Variants in DPP6 observed in about 807,000 individuals in gnomAD.
The protein encoded by DPP6 is dipeptidyl peptidase like 6.
Under a neutral mutation model 122.6 loss-of-function variants are expected in DPP6, and 69 were observed. That is an observed-to-expected ratio of 0.56 (90% CI 0.46 to 0.69). The LOEUF (loss-of-function observed/expected upper bound fraction) is 0.69. DPP6 is among the 30% of genes least tolerant of loss of function. The pLI, the probability that DPP6 is intolerant of heterozygous loss-of-function variation, is 0.00. For synonymous variants in DPP6, 418 were observed against 433.1 expected (o/e 0.97, Z 0.43); for missense variants, 928 against 1,116.9 (o/e 0.83, Z 2.41).
the DPP6 span, among the ~76,000 whole-genome samples, chr7:153,871,032 C>T: frequency 3.8e-3 from 575 of 152,246 alleles, 1 homozygote; most frequent in African/African-American, 0.012. Flanking sequence ...GAGGAGTACC[C>T]GGCCGTGTGA....
chr7:153,761,596 A>T, the DPP6 span, among the ~76,000 whole-genome samples: 3 of 151,390 alleles, frequency 2.0e-5, no homozygotes, highest in African/African-American at 7.3e-5. Context: ...CTTTTTTTTG[A>T]CTGAGGAAAT....
chr7:154,799,589 A>AG (rs1554471363), intron 12 of DPP6, among the ~76,000 whole-genome samples: 1 of 152,196 alleles, frequency 6.6e-6, no homozygotes. Context: ...TTGGGCTGGA[A>AG]GGGGGGTTGG....
intron 1 of DPP6, among the ~76,000 whole-genome samples, chr7:154,255,470 A>T (rs1802597144): frequency 6.6e-6 from 1 of 152,112 alleles, no homozygotes; most frequent in African/African-American, 2.4e-5. Flanking sequence ...GCACTGGGGG[A>T]AAGGAGGTGG....
chr7:154,306,293 C>A (rs1806341093), intron 1 of DPP6, among the ~76,000 whole-genome samples: 1 of 152,210 alleles, frequency 6.6e-6, no homozygotes. Context: ...GGTGAGTCAG[C>A]CAGCCGCTTC....
chr7:154,835,088 CT>C (rs1480599070), intron 16 of DPP6, among the ~76,000 whole-genome samples: 2 of 152,088 alleles, frequency 1.3e-5, no homozygotes, highest in East Asian at 3.9e-4. Context: ...CTCTAGCTCC[CT>C]TTTGTGACTT....
the DPP6 span, among the ~76,000 whole-genome samples, chr7:153,831,685 TG>T: frequency 1.6e-4 from 24 of 152,352 alleles, no homozygotes; most frequent in South Asian, 5.0e-3. Flanking sequence ...CACAAAATAA[TG>T]TTTTTTTAAT....
At chr7:154,794,316 G>A in intron 11 of DPP6, 114 bp downstream of exon 11, 3 of 1,370,838 alleles carry the variant, frequency 2.2e-6, no homozygotes, top group Non-Finnish European at 2.8e-6. Flanking sequence ...GGGACCGGCC[G>A]CCCAGCTGCT....
Position 154,887,698 on chromosome 7 carries a change from C to A in DPP6, c.2268C>A (p.Tyr756Ter). Reference protein sequence around the residue: ...KLYASAFSERYLGLHGLDNRA... With the variant: ...KLYASAFSER ...CAGCCTCTGCGTTTTCCGAGAGGTA[C>A]TTGGGCCTCCATGGACTTGACAACA... is the stretch of plus-strand genomic sequence containing the variant. The change falls in exon 23 of 26, where the codon TAC (tyrosine) becomes TAA (stop). Residue 756 changes from tyrosine (Y) to a stop codon, truncating the protein, a stop_gained. Coordinates refer to ENST00000377770, the MANE Select transcript of DPP6 (RefSeq NM_130797.4). LOFTEE classifies it high-confidence loss of function. 1 of 1,613,924 alleles carries A rather than the reference C, an allele frequency of 6.2e-7. No homozygotes were observed. The highest frequency in any genetic ancestry group is 8.5e-7 in the Non-Finnish European group (1 of 1,179,820).
In DPP6 at chr7:154,806,984, G is replaced by T; in HGVS notation, c.1548-10G>T. 2 of 1,613,454 alleles carry T rather than the reference G, an allele frequency of 1.2e-6. No individual in the cohort carries two copies. The highest frequency in any genetic ancestry group is 2.2e-5 in the East Asian group (1 of 44,874). On this transcript the variant is annotated splice_polypyrimidine_tract_variant and intron_variant, in intron 15 of 25. Coordinates refer to ENST00000377770, the MANE Select transcript of DPP6 (RefSeq NM_130797.4). ...GCCCACATTCACACCTGCGTCCTTT[G>T]CTCTTCCAGTGCCAACACGGTGGGC...
chr7:154,533,847 A>C (rs544220098), intron 3 of DPP6, among the ~76,000 whole-genome samples: 1 of 152,184 alleles, frequency 6.6e-6, no homozygotes, highest in African/African-American at 2.4e-5. Flanking sequence ...AAATTTAAAA[A>C]ATTAGCCAGG....
At chr7:154,197,824 G>A (rs1173851084) in intron 1 of DPP6, among the ~76,000 whole-genome samples, 1 of 152,154 alleles carries the variant, frequency 6.6e-6, no homozygotes, top group East Asian at 1.9e-4. Flanking sequence ...TAACCCACCT[G>A]ATCCTAACAG....
At chr7:154,825,141 G>A (rs1255896500) in intron 16 of DPP6, among the ~76,000 whole-genome samples, 2 of 152,222 alleles carry the variant, frequency 1.3e-5, no homozygotes, top group Non-Finnish European at 2.9e-5. Context: ...CAATATACCA[G>A]ATGGCCAAAG....
intron 2 of DPP6, among the ~76,000 whole-genome samples, chr7:154,448,037 A>G (rs756974290): frequency 6.6e-6 from 1 of 152,338 alleles, no homozygotes; most frequent in East Asian, 1.9e-4. Context: ...CATTCCCAGC[A>G]TGGCTATTTA....
chr7:154,858,742 TG>T (rs1303241592), intron 17 of DPP6, among the ~76,000 whole-genome samples: 2 of 152,210 alleles, frequency 1.3e-5, no homozygotes, highest in Non-Finnish European at 2.9e-5. Context: ...ATGTGCAGGC[TG>T]GGGTCATACT....
At chr7:154,795,189 A>G (rs1186494721) in intron 11 of DPP6, among the ~76,000 whole-genome samples, 1 of 152,178 alleles carries the variant, frequency 6.6e-6, no homozygotes, top group African/African-American at 2.4e-5. Flanking sequence ...TGTCAGTGGC[A>G]AACACTGCTT....
intron 1 of DPP6, among the ~76,000 whole-genome samples, chr7:154,011,179 A>G (rs1057262636): frequency 3.3e-5 from 5 of 152,224 alleles, no homozygotes; most frequent in Admixed American, 2.6e-4. Context: ...TTACTCCCTT[A>G]ACCCAGCTCT....
chr7:153,787,661 T>G, the DPP6 span, among the ~76,000 whole-genome samples: 1 of 149,408 alleles, frequency 6.7e-6, no homozygotes, highest in Non-Finnish European at 1.5e-5. Flanking sequence ...GTCTAGCTAC[T>G]TGGGAGGCTA....
intron 1 of DPP6, among the ~76,000 whole-genome samples, chr7:154,349,254 C>A (rs1452493181): frequency 6.6e-6 from 1 of 152,252 alleles, no homozygotes; most frequent in Non-Finnish European, 1.5e-5. Context: ...TGGCTCACTG[C>A]AACCTCCACT....
the DPP6 span, among the ~76,000 whole-genome samples, chr7:153,878,448 C>T: frequency 1.5e-3 from 230 of 152,112 alleles, no homozygotes; most frequent in African/African-American, 5.1e-3. Context: ...CCATGGAATG[C>T]CATGCAGTGA....
Sources: gnomAD v4.1 joint callset for allele counts (sites outside exome capture counted in the v4.1 genomes callset) on GRCh38, gnomAD v4.1.1 for gene constraint, MANE v1.5 for transcripts, NCBI Gene and HGNC (gene_info 2026-07-23, HGNC 2026-07-21) for gene names.